The following CACNA2D3 variants were observed in gnomAD, a reference collection of about 807,000 sequenced individuals.
CACNA2D3 encodes voltage-dependent calcium channel subunit alpha-2/delta-3.
A neutral mutation model predicts 160.6 loss-of-function variants in CACNA2D3; 60 were observed. The ratio of observed to expected loss-of-function variants is 0.37; its 90% confidence interval spans 0.30 to 0.46. The LOEUF (loss-of-function observed/expected upper bound fraction) is 0.46, where lower values mean the gene tolerates loss of function less well. Among genes scored for constraint, CACNA2D3 ranks in the 20% least tolerant of loss-of-function variants. The pLI, the probability that CACNA2D3 is intolerant of heterozygous loss-of-function variation, is 1.00. For missense variants in CACNA2D3, 1,205 were observed against 1,365.0 expected (o/e 0.88, Z 1.85); for synonymous variants, 558 against 492.9 (o/e 1.13, Z -1.75).
At chr3:54,547,431 G>C (rs759019149) in intron 5 of CACNA2D3, among the ~76,000 whole-genome samples, 2 of 152,096 alleles carry the variant, frequency 1.3e-5, no homozygotes, top group Non-Finnish European at 2.9e-5. Context: ...CAGATCTCTT[G>C]TGAGATTTGC....
At chr3:54,538,576 A>G (rs1450508384) in intron 5 of CACNA2D3, among the ~76,000 whole-genome samples, 2 of 149,468 alleles carry the variant, frequency 1.3e-5, no homozygotes, top group African/African-American at 5.1e-5. Flanking sequence ...AGGCAAGCAG[A>G]GAGAGAGAGG....
At chr3:54,942,069 A>T (rs969951279) in intron 27 of CACNA2D3, among the ~76,000 whole-genome samples, 1 of 152,210 alleles carries the variant, frequency 6.6e-6, no homozygotes, top group Admixed American at 6.5e-5. Flanking sequence ...TCACATAGGA[A>T]CTTCAAATAG....
intron 2 of CACNA2D3, among the ~76,000 whole-genome samples, chr3:54,236,128 G>C (rs1701871864): frequency 6.6e-6 from 1 of 152,116 alleles, no homozygotes; most frequent in Admixed American, 6.6e-5. Flanking sequence ...CAAAATACCT[G>C]ACCAGTACTT....
chr3:54,472,332 G>A lies in CACNA2D3; in HGVS notation c.382-31160G>A, dbSNP rs185005381. On this transcript the variant is annotated intron_variant, in intron 4 of 37. Transcript: ENST00000474759. ...TCTCATAGATGCAGAAAAGGCCTTCGATAAAATTCAACACCCCTTCATGCT... is the reference window on the plus strand; with the variant it reads ...TCTCATAGATGCAGAAAAGGCCTTCAATAAAATTCAACACCCCTTCATGCT... Among the ~76,000 whole-genome samples the A allele has an allele frequency of 2.0e-4, 30 of 152,252 alleles. No homozygotes were observed. In the East Asian group the frequency reaches 5.6e-3, roughly 28 times the overall value.
chr3:54,770,689 C>T (rs1311283579), intron 13 of CACNA2D3, among the ~76,000 whole-genome samples: 4 of 152,140 alleles, frequency 2.6e-5, no homozygotes, highest in African/African-American at 9.7e-5. Flanking sequence ...TTCTGGTGCA[C>T]GAAGCATATG....
intron 2 of CACNA2D3, among the ~76,000 whole-genome samples, chr3:54,301,738 A>G (rs565325458): frequency 2.6e-5 from 4 of 152,198 alleles, no homozygotes; most frequent in East Asian, 3.9e-4. Context: ...ACATGGGCGC[A>G]CACACACACA....
intron 29 of CACNA2D3, among the ~76,000 whole-genome samples, chr3:54,978,815 T>C (rs529582967): frequency 6.7e-6 from 1 of 148,282 alleles, no homozygotes; most frequent in South Asian, 2.2e-4. Context: ...ATAAACAGGG[T>C]TGGCCTAAAT....
intron 4 of CACNA2D3, among the ~76,000 whole-genome samples, chr3:54,474,472 A>G (rs1420155230): frequency 6.6e-6 from 1 of 152,148 alleles, no homozygotes; most frequent in Non-Finnish European, 1.5e-5. Context: ...GGGTGCAGCA[A>G]ACCACTATGG....
At position 54,845,885 on chromosome 3, in the gene CACNA2D3, A is replaced by G. The variant is rs28567676; in HGVS notation, c.1552-508A>G. ...CCTGTGTAGGCTGGGACAGGGGGACACTTTATATTTGAAGAATTATGGAAA... is the reference window on the plus strand; with the variant it reads ...CCTGTGTAGGCTGGGACAGGGGGACGCTTTATATTTGAAGAATTATGGAAA... On this transcript the variant is annotated intron_variant, in intron 16 of 37. Coordinates refer to ENST00000474759, the MANE Select transcript of CACNA2D3 (RefSeq NM_018398.3). 4.0e-3 allele frequency among the ~76,000 whole-genome samples: 611 copies of G among 152,322 alleles called. 3 individuals carry two copies. Among genetic ancestry groups the G allele is most frequent in the African/African-American group, 0.014 (591 of 41,572 alleles).
chr3:54,491,521 T>C (rs1438369448), intron 4 of CACNA2D3, among the ~76,000 whole-genome samples: 1 of 152,186 alleles, frequency 6.6e-6, no homozygotes, highest in Non-Finnish European at 1.5e-5. Context: ...CAGAGTTCAT[T>C]GTTCTGAGGT....
intron 13 of CACNA2D3, among the ~76,000 whole-genome samples, chr3:54,794,613 T>TC (rs1452647474): frequency 6.6e-6 from 1 of 151,890 alleles, no homozygotes; most frequent in Non-Finnish European, 1.5e-5. Flanking sequence ...ATATTTTTTT[T>TC]TTTTTTGGTA....
rs553675887 is a variant in CACNA2D3 at position 54,820,930 on chromosome 3, A to C, written c.1398+4060A>C. 1.2e-4 allele frequency among the ~76,000 whole-genome samples: 18 copies of C among 152,278 alleles called. 1 individual carries two copies. In the South Asian group the frequency reaches 3.7e-3, roughly 32 times the overall value. On this transcript the variant is annotated intron_variant, in intron 14 of 37. Transcript: ENST00000474759. Reference sequence around the variant, plus strand: ...TAGATTCTGTCTATAGGAGCTAAACATCAGTTATTCACTGCAGGATTAATT... The same window carrying C: ...TAGATTCTGTCTATAGGAGCTAAACCTCAGTTATTCACTGCAGGATTAATT...
At chr3:54,227,134 A>G (rs1190564315) in intron 2 of CACNA2D3, among the ~76,000 whole-genome samples, 1 of 152,222 alleles carries the variant, frequency 6.6e-6, no homozygotes, top group Non-Finnish European at 1.5e-5. Flanking sequence ...TGCTAACAAC[A>G]TGAATAGAAC....
chr3:54,141,097 G>GCGCGCGCGCGCGCA (rs1559860132), intron 2 of CACNA2D3, among the ~76,000 whole-genome samples: 1 of 133,666 alleles, frequency 7.5e-6, no homozygotes, highest in South Asian at 2.3e-4. Context: ...GCGCGCGCGC[G>GCGCGCGCGCGCGCA]CGTGTGTGCA....
chr3:54,779,166 C>T (rs1702485547), intron 13 of CACNA2D3, among the ~76,000 whole-genome samples: 1 of 152,090 alleles, frequency 6.6e-6, no homozygotes, highest in African/African-American at 2.4e-5. Flanking sequence ...GGCACAACCT[C>T]AGCTCACTGC....
At chr3:54,336,203 A>G (rs986118288) in intron 3 of CACNA2D3, among the ~76,000 whole-genome samples, 2 of 152,036 alleles carry the variant, frequency 1.3e-5, no homozygotes, top group Non-Finnish European at 2.9e-5. Context: ...CCTGCTCTGC[A>G]CAGCCTGACT....
chr3:54,333,986 G>T (rs1202281101), intron 3 of CACNA2D3, among the ~76,000 whole-genome samples: 3 of 152,166 alleles, frequency 2.0e-5, no homozygotes, highest in African/African-American at 7.2e-5. Flanking sequence ...TGCTTCATTG[G>T]CCCCAGCAAT....
At position 54,880,664 on chromosome 3, in the gene CACNA2D3, T is replaced by TAAAC. The variant is rs1699773801; in HGVS notation, c.1845-130_1845-127dup. 6.1e-6 allele frequency: 5 copies of TAAAC among 820,070 alleles called. No individual in the cohort carries two copies. The Admixed American group carries it at 9.2e-5, about 15-fold the overall frequency. The allele number at this position is 820,070 out of a possible 1,614,324, so 50.8% of individuals were successfully genotyped here. ...GTGATAATCAGTGGGGTTTTGAAAG[T>TAAAC]AAACAGTTGGAAAAATTGTTGACAG... On this transcript the variant is annotated intron_variant, in intron 20 of 37. Transcript: ENST00000474759.
intron 13 of CACNA2D3, among the ~76,000 whole-genome samples, chr3:54,768,132 A>G (rs892627105): frequency 6.6e-6 from 1 of 152,198 alleles, no homozygotes; most frequent in Admixed American, 6.5e-5. Context: ...TATGACCTCA[A>G]AATGCTTCCC....
Sources: allele counts gnomAD v4.1 joint callset (sites outside exome capture counted in the v4.1 genomes callset), GRCh38; gene constraint gnomAD v4.1.1; transcripts MANE v1.5; gene names NCBI Gene and HGNC (gene_info 2026-07-23, HGNC 2026-07-21).